AGPS: variants seen among roughly 807,000 people sequenced by gnomAD.
AGPS encodes alkylglycerone phosphate synthase.
A neutral mutation model predicts 90.7 loss-of-function variants in AGPS; 26 were observed. The observed-to-expected ratio is 0.29, with a 90% CI of 0.21 to 0.40. The LOEUF (loss-of-function observed/expected upper bound fraction) is 0.40. Among genes scored for constraint, AGPS ranks in the 10% least tolerant of loss-of-function variants. The pLI is 1.00. For synonymous variants in AGPS, 294 were observed against 285.3 expected (o/e 1.03, Z -0.31); for missense variants, 540 against 816.1 (o/e 0.66, Z 4.12).
Position 177,392,812 on chromosome 2 carries a change from C to A in AGPS, c.23C>A (p.Ala8Glu). MAEAAAA[A>E]GGTGLGAGAS... ...GCCATGGCGGAGGCGGCGGCTGCAG[C>A]GGGTGGGACTGGCTTGGGCGCGGGC... Residue 8 changes from alanine to glutamate, a missense_variant, in exon 1 of 20, where the codon GCG becomes GAG. Around this residue, in one of 2 missense-constraint regions of AGPS, gnomAD observed 135 missense variants for 124.0 expected, o/e 1.09. Transcript: ENST00000264167. The A allele has an allele frequency of 6.6e-7, 1 of 1,518,408 alleles. No homozygotes were observed. The allele number at this position is 1,518,408 out of a possible 1,614,324, so 94.1% of individuals were successfully genotyped here. A position where few individuals can be genotyped will look rare whatever the true frequency, so the allele number is the denominator to read the frequency against.
chr2:177,520,094 G>GT (rs1689135678), intron 17 of AGPS, among the ~76,000 whole-genome samples: 1 of 152,178 alleles, frequency 6.6e-6, no homozygotes, highest in Non-Finnish European at 1.5e-5. Context: ...GGCCATCTTG[G>GT]TTTTGGTGGG....
intron 10 of AGPS, among the ~76,000 whole-genome samples, chr2:177,471,285 C>T (rs1412933498): frequency 6.6e-6 from 1 of 152,126 alleles, no homozygotes; most frequent in African/African-American, 2.4e-5. Context: ...TCAGTTAAAT[C>T]ATTTGATGAC....
Position 177,494,233 on chromosome 2 carries a change from TATAGTTAC to T in AGPS, c.1285+1039_1285+1046del, listed in dbSNP as rs777919642. Among the ~76,000 whole-genome samples, 112 of 152,320 alleles carry T rather than the reference TATAGTTAC, an allele frequency of 7.4e-4. 1 individual carries two copies. Among genetic ancestry groups the T allele is most frequent in the Middle Eastern group, 6.8e-3 (2 of 294 alleles). On this transcript the variant is annotated intron_variant, in intron 12 of 19. Coordinates refer to ENST00000264167, the MANE Select transcript of AGPS (RefSeq NM_003659.4). ...AGATTTTAATTTAGGGAAGCATGGT[TATAGTTAC>T]ATAGAAACTTAACTAAAGTCAGGTT...
intron 19 of AGPS, among the ~76,000 whole-genome samples, chr2:177,524,388 G>T (rs1479012662): frequency 6.6e-6 from 1 of 152,220 alleles, no homozygotes; most frequent in East Asian, 1.9e-4. Flanking sequence ...TTTGTTACTA[G>T]CATGCTTATG....
chr2:177,410,522 G>T (rs1685589875), intron 1 of AGPS, among the ~76,000 whole-genome samples: 1 of 152,142 alleles, frequency 6.6e-6, no homozygotes, highest in Admixed American at 6.5e-5. Flanking sequence ...TTGCTAGAAT[G>T]TCTCTCCCTA....
intron 8 of AGPS, among the ~76,000 whole-genome samples, chr2:177,459,744 G>C (rs1186890970): frequency 6.6e-6 from 1 of 152,196 alleles, no homozygotes; most frequent in African/African-American, 2.4e-5. Flanking sequence ...AACCATTGTG[G>C]AAGACAGTGT....
chr2:177,511,049 G>A (rs1330217705), intron 16 of AGPS, among the ~76,000 whole-genome samples: 2 of 152,152 alleles, frequency 1.3e-5, no homozygotes, highest in East Asian at 3.9e-4. Flanking sequence ...TAATTTGAGA[G>A]TACAGTCTAT....
At chr2:177,445,648 T>C in intron 8 of AGPS, 22 bp downstream of exon 8, 1 of 1,492,100 alleles carries the variant, frequency 6.7e-7, no homozygotes, top group Non-Finnish European at 9.1e-7. Flanking sequence ...ATTTTTCTTA[T>C]TTTTTTAAAT....
chr2:177,505,470 TA>T (rs751104538), intron 14 of AGPS, 35 bp from the exon 15 acceptor site: 7 of 1,565,998 alleles, frequency 4.5e-6, no homozygotes, highest in Middle Eastern at 3.4e-4. Flanking sequence ...GAGATTAAGA[TA>T]AAAAATTTAT....
chr2:177,438,287 A>T (rs1057136300), intron 5 of AGPS, among the ~76,000 whole-genome samples: 1 of 152,150 alleles, frequency 6.6e-6, no homozygotes, highest in Admixed American at 6.6e-5. Flanking sequence ...TGGGCTTGGC[A>T]GTGCATGCCT....
rs531816796 is a variant in AGPS, at chr2:177,503,462, T to C, written c.1476-2044T>C. On this transcript the variant is annotated intron_variant, in intron 14 of 19. Coordinates refer to ENST00000264167, the MANE Select transcript of AGPS (RefSeq NM_003659.4). ...AAAAAGATTGTCTCTCATTCCTCTT[T>C]CATTAGTCTTTCCAGTCCTTCCTCA... Among the ~76,000 whole-genome samples the C allele has an allele frequency of 6.6e-5, 10 of 152,342 alleles. No homozygotes were observed. In the South Asian group the frequency reaches 1.2e-3, roughly 19 times the overall value.
At chr2:177,505,389 TA>T in intron 14 of AGPS, 116 bp from the exon 15 acceptor site, 1 of 897,312 alleles carries the variant, frequency 1.1e-6, no homozygotes, top group Non-Finnish European at 1.8e-6. Flanking sequence ...ACAGAAATAT[TA>T]AAAGTGTTTT....
intron 1 of AGPS, among the ~76,000 whole-genome samples, chr2:177,394,460 A>G (rs955526177): frequency 6.6e-5 from 10 of 152,216 alleles, no homozygotes; most frequent in Non-Finnish European, 1.3e-4. Flanking sequence ...AAATTAGGGA[A>G]CTGCTGAGAC....
intron 8 of AGPS, among the ~76,000 whole-genome samples, chr2:177,451,088 G>A (rs4308151): frequency 0.87 from 130,617 of 150,672 alleles, 56,578 homozygotes; most frequent in East Asian, 0.95. Flanking sequence ...CAGCCTCCCC[G>A]GTAGCTAGGA....
At chr2:177,520,640 A>C (rs946613610) in intron 17 of AGPS, among the ~76,000 whole-genome samples, 6 of 152,238 alleles carry the variant, frequency 3.9e-5, no homozygotes, top group Non-Finnish European at 8.8e-5. Flanking sequence ...TATTTGTAGT[A>C]TGGAAGTGCC....
intron 12 of AGPS, among the ~76,000 whole-genome samples, chr2:177,495,471 T>A (rs1012026425): frequency 1.3e-5 from 2 of 152,196 alleles, no homozygotes; most frequent in East Asian, 1.9e-4. Context: ...CCCAGGAGTT[T>A]TTGCACTGTC....
chr2:177,543,069 C>T lies in AGPS; in HGVS notation c.*4874C>T, dbSNP rs1282728292. 1 of 152,222 alleles carries T rather than the reference C, an allele frequency of 6.6e-6. No homozygotes were observed. The highest frequency in any genetic ancestry group is 1.5e-5 in the Non-Finnish European group (1 of 68,052). 9.4% of individuals were successfully genotyped at this position (152,222 alleles called of 1,614,324 possible). ...GGTGGACCTGTACTCTGATACACAT[C>T]GAATCAGTCAATGGGATTTGTATGT... On this transcript the variant is annotated 3_prime_UTR_variant, in exon 20 of 20. Coordinates refer to ENST00000264167, the MANE Select transcript of AGPS (RefSeq NM_003659.4).
intron 19 of AGPS, among the ~76,000 whole-genome samples, chr2:177,533,396 C>A (rs1047510656): frequency 3.9e-5 from 6 of 152,080 alleles, no homozygotes; most frequent in African/African-American, 1.2e-4. Flanking sequence ...ACCATCCCCC[C>A]ACCCCTGTGT....
At chr2:177,482,247 C>T in intron 11 of AGPS, 61 bp downstream of exon 11, 7 of 923,978 alleles carry the variant, frequency 7.6e-6, no homozygotes, top group Non-Finnish European at 1.6e-6. Context: ...TTATATTTTT[C>T]AAATTCTACT....
Sources: gnomAD v4.1 joint callset for allele counts (sites outside exome capture counted in the v4.1 genomes callset) on GRCh38, gnomAD v4.1.1 for gene constraint, gnomAD v4.1.1 regional missense constraint, MANE v1.5 for transcripts, NCBI Gene and HGNC (gene_info 2026-07-23, HGNC 2026-07-21) for gene names.